Variants in CFAP52 observed in about 807,000 individuals in gnomAD.
The protein encoded by CFAP52 is cilia and flagella associated protein 52.
In CFAP52, 57 loss-of-function variants were observed where a neutral mutation model predicts 70.5. The ratio of observed to expected loss-of-function variants is 0.81; its 90% CI spans 0.65 to 1.01. The LOEUF (loss-of-function observed/expected upper bound fraction) is 1.01, where lower values mean the gene tolerates loss of function less well. Ranked by LOEUF, CFAP52 falls within the 50% of genes least tolerant of loss-of-function variation. The pLI, the probability that CFAP52 is intolerant of heterozygous loss-of-function variation, is 0.00. For missense variants in CFAP52, 785 were observed against 788.5 expected, an observed-to-expected ratio of 1.00 and a Z score of 0.05; for synonymous variants, 267 against 292.5, an observed-to-expected ratio of 0.91 and a Z score of 0.89.
At chr17:9,645,069 G>C (rs1372829408), downstream of CFAP52, 1 of 152,200 alleles carries the variant, frequency 6.6e-6, no homozygotes, top group Non-Finnish European at 1.5e-5. The surrounding 1 kb of genome is among the most constrained non-coding windows in gnomAD (Gnocchi z 6.8). Flanking sequence ...CTGGAAGGAG[G>C]TGGCGACACC....
At chr17:9,631,082 G>GAAAGAAAGAA (rs56818169) in intron 9 of CFAP52, among the ~76,000 whole-genome samples, 2,447 of 47,582 alleles carry the variant, frequency 0.051, 111 homozygotes, top group Non-Finnish European at 0.067. Context: ...AAGAAAGAAA[G>GAAAGAAAGAA]AGAAAGAAAG....
rs756574575 is a variant in CFAP52 at position 9,585,934 on chromosome 17, T to C, written c.232T>C (p.Tyr78His). Residue 78 changes from tyrosine (Y) to histidine (H), a missense_variant, in exon 2 of 14, where the codon TAC becomes CAC. Transcript: ENST00000352665. ...SCLAISRSGE[Y>H]IASGQVTFMG... Reference sequence around the variant, plus strand: ...CTTGGCCATCTCCAGGTCTGGAGAGTACATCGCCTCCGGACAAGTCACATT... The same window carrying C: ...CTTGGCCATCTCCAGGTCTGGAGAGCACATCGCCTCCGGACAAGTCACATT... 1.2e-6 allele frequency: 2 copies of C among 1,613,730 alleles called. No individual in the cohort carries two copies. Among genetic ancestry groups the C allele is most frequent in the Non-Finnish European group, 1.7e-6 (2 of 1,179,914 alleles).
intron 8 of CFAP52, among the ~76,000 whole-genome samples, chr17:9,623,323 T>G (rs1391115619): frequency 6.6e-6 from 1 of 152,192 alleles, no homozygotes; most frequent in Non-Finnish European, 1.5e-5. Flanking sequence ...TGTCTTTATA[T>G]TCAAAGTACA....
chr17:9,592,846 C>T (rs1184887133), intron 3 of CFAP52, among the ~76,000 whole-genome samples: 1 of 152,124 alleles, frequency 6.6e-6, no homozygotes, highest in Non-Finnish European at 1.5e-5. Context: ...TTTGTGTGGA[C>T]ATGTCTTCAT....
At chr17:9,599,844 C>G (rs1329329808) in intron 5 of CFAP52, among the ~76,000 whole-genome samples, 1 of 152,056 alleles carries the variant, frequency 6.6e-6, no homozygotes, top group East Asian at 1.9e-4. Flanking sequence ...TGAGTTCAAG[C>G]GATTCTCCTA....
At chr17:9,577,952 C>T (rs532519929) in intron 1 of CFAP52, among the ~76,000 whole-genome samples, 5 of 152,086 alleles carry the variant, frequency 3.3e-5, no homozygotes, top group East Asian at 3.9e-4. Flanking sequence ...ATTATCCGGG[C>T]GTGGTGGTAG....
chr17:9,577,379 T>TG (rs1194025209), intron 1 of CFAP52, among the ~76,000 whole-genome samples: 7 of 152,212 alleles, frequency 4.6e-5, no homozygotes, highest in African/African-American at 1.7e-4. Flanking sequence ...AAAAAGGGAC[T>TG]GGGCCGCTCC....
chr17:9,621,485 C>G (rs1428120985), intron 8 of CFAP52, among the ~76,000 whole-genome samples: 1 of 43,740 alleles, frequency 2.3e-5, no homozygotes, highest in Admixed American at 3.0e-4. Flanking sequence ...ACCATTTGAC[C>G]CAGCCATCCC....
At chr17:9,640,449 T>A (rs1031921433) in intron 12 of CFAP52, among the ~76,000 whole-genome samples, 3 of 138,086 alleles carry the variant, frequency 2.2e-5, no homozygotes, top group African/African-American at 8.1e-5. Context: ...CACGTGTCCA[T>A]CTCTTTTCAT....
At chr17:9,623,792 C>T (rs1028224631) in intron 8 of CFAP52, among the ~76,000 whole-genome samples, 1 of 152,130 alleles carries the variant, frequency 6.6e-6, no homozygotes, top group Non-Finnish European at 1.5e-5. Context: ...AACACCTGGT[C>T]TCAAGTGTTC....
At chr17:9,644,130 G>T (rs896847911), downstream of CFAP52, among the ~76,000 whole-genome samples, 2 of 152,184 alleles carry the variant, frequency 1.3e-5, no homozygotes, top group Non-Finnish European at 2.9e-5. Context: ...TTTTGAGACG[G>T]AATTTAGCTC....
chr17:9,643,758 G>T (rs115613569), downstream of CFAP52, among the ~76,000 whole-genome samples: 573 of 152,344 alleles, frequency 3.8e-3, 1 homozygote, highest in African/African-American at 0.013. Flanking sequence ...TGACAGGGTA[G>T]AGAGAAATAT....
chr17:9,625,564 T>C (rs1048502815), intron 8 of CFAP52, among the ~76,000 whole-genome samples: 2 of 150,854 alleles, frequency 1.3e-5, no homozygotes, highest in African/African-American at 4.8e-5. Context: ...AGCCCTCAAC[T>C]CTGATCTCTA....
intron 6 of CFAP52, among the ~76,000 whole-genome samples, chr17:9,603,652 A>G (rs1909369464): frequency 6.6e-6 from 1 of 152,226 alleles, no homozygotes; most frequent in Non-Finnish European, 1.5e-5. Flanking sequence ...CTGATTCTAC[A>G]GTTTACACAG....
intron 11 of CFAP52, among the ~76,000 whole-genome samples, chr17:9,638,363 G>T (rs757255815): frequency 2.0e-5 from 3 of 152,064 alleles, no homozygotes; most frequent in South Asian, 2.1e-4. Context: ...TTTAGGAAAG[G>T]GCCCTTCCCA....
rs760755904 is a variant in CFAP52 at position 9,598,245 on chromosome 17, G to A, written c.548G>A (p.Arg183Gln). 8 of 1,609,980 alleles carry A rather than the reference G, an allele frequency of 5.0e-6. No homozygotes were observed. The highest frequency in any genetic ancestry group is 1.7e-5 in the Admixed American group (1 of 59,712). The change falls in exon 5 of 14, where the codon CGA becomes CAA. Residue 183 changes from arginine (R) to glutamine (Q), a missense_variant. By Grantham distance (43) the Arg-to-Gln change is conservative (BLOSUM62 1). Coordinates refer to ENST00000352665, the MANE Select transcript of CFAP52 (RefSeq NM_145054.5). ...TTTTTTTTACATAGTGGGACAATTC[G>A]AGTATGGGAATTGGATCTTCCAAAT... ...MFMTAGNGTI[R>Q]VWELDLPNRK...
At chr17:9,627,336 C>A (rs1910276279) in intron 8 of CFAP52, among the ~76,000 whole-genome samples, 2 of 151,892 alleles carry the variant, frequency 1.3e-5, no homozygotes, top group African/African-American at 4.8e-5. Context: ...ATGGTGAAAC[C>A]CCGTCTCTAC....
At chr17:9,596,326 C>G (rs1316186938) in intron 4 of CFAP52, among the ~76,000 whole-genome samples, 2 of 151,648 alleles carry the variant, frequency 1.3e-5, no homozygotes, top group African/African-American at 4.8e-5. Flanking sequence ...ATCTTGAACT[C>G]CTGAGCTCAG....
chr17:9,577,745 A>T (rs371454201), intron 1 of CFAP52, among the ~76,000 whole-genome samples: 227 of 152,340 alleles, frequency 1.5e-3, no homozygotes, highest in South Asian at 0.012. Flanking sequence ...AGCAGCCTAC[A>T]GTGGGTTGCA....
Sources: gnomAD v4.1 joint callset for allele counts (sites outside exome capture counted in the v4.1 genomes callset) on GRCh38, gnomAD v4.1.1 for gene constraint, Gnocchi (gnomAD v3.1) non-coding constraint, MANE v1.5 for transcripts, NCBI Gene and HGNC (gene_info 2026-07-23, HGNC 2026-07-21) for gene names.